STAT4: variants seen among roughly 807,000 people sequenced by gnomAD.
STAT4 encodes the protein signal transducer and activator of transcription 4.
Under a neutral mutation model 110.5 loss-of-function variants are expected in STAT4, and 42 were observed. The observed-to-expected ratio is 0.38, with a 90% CI of 0.30 to 0.49. STAT4 has a LOEUF of 0.49. Ranked by LOEUF, STAT4 falls within the 20% of genes least tolerant of loss-of-function variation. The probability of loss-of-function intolerance (pLI) is 0.95; values close to 1 mark genes in which losing one functional copy is unlikely to be tolerated. For missense variants in STAT4, 632 were observed against 887.9 expected (o/e 0.71, Z 3.66); for synonymous variants, 284 against 302.2 (o/e 0.94, Z 0.63).
chr2:191,139,172 C>T (rs565601974), intron 3 of STAT4, among the ~76,000 whole-genome samples: 1 of 151,702 alleles, frequency 6.6e-6, no homozygotes, highest in African/African-American at 2.4e-5. Context: ...GAAAGCATTC[C>T]CCCCGAGAGC....
intron 13 of STAT4, among the ~76,000 whole-genome samples, chr2:191,055,847 C>CT (rs1696675236): frequency 6.6e-6 from 1 of 152,118 alleles, no homozygotes; most frequent in African/African-American, 2.4e-5. Flanking sequence ...TTCCATGTGA[C>CT]TTTTTTGGGA....
rs1696815699 is a variant in STAT4, at chr2:191,060,379, A to G, written c.1034+1350T>C. ...AGAGATGTCGGAATGAGGAAGGAAC[A>G]ATTTTTGAGAAGAATGCTTATTTTT... On this transcript the variant is annotated intron_variant, in intron 10 of 23. Coordinates refer to ENST00000392320, the MANE Select transcript of STAT4 (RefSeq NM_003151.4). The surrounding 1 kb of genome is among the most constrained non-coding windows in gnomAD (Gnocchi z 4.5). 6.6e-6 allele frequency among the ~76,000 whole-genome samples: 1 copy of G among 152,154 alleles called. No individual in the cohort carries two copies. The highest frequency in any genetic ancestry group is 1.9e-4 in the East Asian group (1 of 5,190).
At chr2:191,128,105 C>T (rs567408543) in intron 3 of STAT4, among the ~76,000 whole-genome samples, 4 of 63,160 alleles carry the variant, frequency 6.3e-5, no homozygotes, top group South Asian at 6.9e-4. Context: ...ACTAACCTTT[C>T]GAAATATGAG....
In STAT4 at chr2:191,066,328, A is replaced by G. The variant is rs1210776434; in HGVS notation, c.630+102T>C. On this transcript the variant is annotated intron_variant, in intron 7 of 23. Transcript: ENST00000392320. The surrounding 1 kb of genome is among the most constrained non-coding windows in gnomAD (Gnocchi z 4.3). The stretch of plus-strand genomic sequence containing the variant: ...ACCTTGCCGTTTCTTCATTCAGTAA[A>G]TGGAACTGATAAAATCTGACAGCTT... 12 of 1,040,764 alleles carry G rather than the reference A, an allele frequency of 1.2e-5. No individual in the cohort carries two copies. Among genetic ancestry groups the G allele is most frequent in the Non-Finnish European group, 1.4e-5 (10 of 694,492 alleles). 64.5% of individuals were successfully genotyped at this position (1,040,764 alleles called of 1,614,324 possible).
Position 191,061,651 on chromosome 2 carries a change from A to T in STAT4, c.1034+78T>A. The T allele has an allele frequency of 7.6e-7, 1 of 1,311,662 alleles. No homozygotes were observed. Among genetic ancestry groups the T allele is most frequent in the Non-Finnish European group, 1.1e-6 (1 of 905,524 alleles). The allele number at this position is 1,311,662 out of a possible 1,614,324, so 81.3% of individuals were successfully genotyped here. A position where few individuals can be genotyped will look rare whatever the true frequency, so the allele number is the denominator to read the frequency against. On this transcript the variant is annotated intron_variant, in intron 10 of 23. Coordinates refer to ENST00000392320, the MANE Select transcript of STAT4 (RefSeq NM_003151.4). The surrounding 1 kb of genome is among the most constrained non-coding windows in gnomAD (Gnocchi z 6.2). ...AAAGAACAGCTGAATGCAAGCCACA[A>T]TGAGAGAAATTGGCCTTGATCATCC...
Position 191,135,654 on chromosome 2 carries a change from G to A in STAT4, c.273+10959C>T, listed in dbSNP as rs915236701. Among the ~76,000 whole-genome samples the A allele has an allele frequency of 1.4e-4, 21 of 152,204 alleles. No individual in the cohort carries two copies. Among genetic ancestry groups the A allele is most frequent in the African/African-American group, 4.8e-4 (20 of 41,532 alleles). On this transcript the variant is annotated intron_variant, in intron 3 of 23. Coordinates refer to ENST00000392320, the MANE Select transcript of STAT4 (RefSeq NM_003151.4). The surrounding 1 kb of genome is among the most constrained non-coding windows in gnomAD (Gnocchi z 4.8). ...GCTAATTTTTTGTATTTTTAGTAGAGACAGGGTTTCACCATGTTGGCTGCA... is the reference window on the plus strand; with the variant it reads ...GCTAATTTTTTGTATTTTTAGTAGAAACAGGGTTTCACCATGTTGGCTGCA...
At chr2:191,128,053 A>G (rs111987855) in intron 3 of STAT4, among the ~76,000 whole-genome samples, 5 of 152,358 alleles carry the variant, frequency 3.3e-5, no homozygotes, top group African/African-American at 7.2e-5. Flanking sequence ...TTAGGCATCA[A>G]ACAAAGTCTT....
chr2:191,034,463 T>C, intron 18 of STAT4, 85 bp downstream of exon 18: 1 of 975,102 alleles, frequency 1.0e-6, no homozygotes, highest in Non-Finnish European at 1.6e-6. Flanking sequence ...TGGGAAATTC[T>C]CAAAACCCCA....
In STAT4 at chr2:191,104,115, T is replaced by C. The variant is rs1698214242; in HGVS notation, c.274-27790A>G. 6.6e-6 allele frequency among the ~76,000 whole-genome samples: 1 copy of C among 152,110 alleles called. No homozygotes were observed. The highest frequency in any genetic ancestry group is 1.5e-5 in the Non-Finnish European group (1 of 68,002). Reference sequence around the variant, plus strand: ...AATCCCCGTTTTGTGAAAAAATATATCTATTCATCTCTAATACTTTTAAAA... The same window carrying C: ...AATCCCCGTTTTGTGAAAAAATATACCTATTCATCTCTAATACTTTTAAAA... On this transcript the variant is annotated intron_variant, in intron 3 of 23. Coordinates refer to ENST00000392320, the MANE Select transcript of STAT4 (RefSeq NM_003151.4). This position sits in a 1 kb window ranked among gnomAD's most constrained non-coding sequence, Gnocchi z 4.3.
chr2:191,051,726 T>TGGGTCGCAGAA lies in STAT4; in HGVS notation c.1251+2763_1251+2764insTTCTGCGACCC, dbSNP rs1574710006. 6.6e-6 allele frequency among the ~76,000 whole-genome samples: 1 copy of TGGGTCGCAGAA among 152,140 alleles called. No individual in the cohort carries two copies. The highest frequency in any genetic ancestry group is 1.9e-4 in the East Asian group (1 of 5,198). Reference sequence around the variant, plus strand: ...GTAGGAGTGCCAACCAGCTCGCCTCTCCCAGGGAAGGTTCTGCGACCCAGA... The same window carrying TGGGTCGCAGAA: ...GTAGGAGTGCCAACCAGCTCGCCTCTGGGTCGCAGAACCCAGGGAAGGTTCTGCGACCCAGA... On this transcript the variant is annotated intron_variant, in intron 14 of 23. Coordinates refer to ENST00000392320, the MANE Select transcript of STAT4 (RefSeq NM_003151.4). The surrounding 1 kb of genome is among the most constrained non-coding windows in gnomAD (Gnocchi z 5.6).
intron 3 of STAT4, among the ~76,000 whole-genome samples, chr2:191,120,814 A>G (rs571233644): frequency 5.0e-4 from 76 of 152,336 alleles, no homozygotes; most frequent in African/African-American, 1.8e-3. Context: ...AAACCATAAA[A>G]ACCCTAGAAG....
intron 3 of STAT4, among the ~76,000 whole-genome samples, chr2:191,089,454 C>T (rs1697733588): frequency 5.9e-5 from 9 of 152,038 alleles, no homozygotes; most frequent in Admixed American, 5.2e-4. Context: ...ATTTGTTGCT[C>T]GTGGGAGTGA....
Position 191,125,481 on chromosome 2 carries a change from T to TATTATTATTATTATTATTATTATC in STAT4, c.273+21131_273+21132insGATAATAATAATAATAATAATAAT, listed in dbSNP as rs1486662174. ...TTGGCTGTGGATCCTCATTATTTAT[T>TATTATTATTATTATTATTATTATC]ATTATTATTATTATTATTATTATTG... On this transcript the variant is annotated intron_variant, in intron 3 of 23. Transcript: ENST00000392320. 8.8e-4 allele frequency among the ~76,000 whole-genome samples: 130 copies of TATTATTATTATTATTATTATTATC among 147,022 alleles called. 1 individual carries two copies. Among genetic ancestry groups the TATTATTATTATTATTATTATTATC allele is most frequent in the African/African-American group, 3.2e-3 (128 of 40,570 alleles).
intron 17 of STAT4, 21 bp from the exon 18 acceptor site, chr2:191,034,618 G>A: frequency 6.3e-7 from 1 of 1,596,478 alleles, no homozygotes. Flanking sequence ...AGAAAAGAAT[G>A]AAATTTTTCA....
rs1201537077 is a variant in STAT4 at position 191,113,031 on chromosome 2, G to C, written c.273+33582C>G. Among the ~76,000 whole-genome samples the C allele has an allele frequency of 4.6e-5, 7 of 152,220 alleles. No homozygotes were observed. Among genetic ancestry groups the C allele is most frequent in the Non-Finnish European group, 1.0e-4 (7 of 68,040 alleles). ...CCATCTGGGAATACTCACACGAGTA[G>C]GGCAAGTGGGCCCATCAGTTGTGCT... On this transcript the variant is annotated intron_variant, in intron 3 of 23. Transcript: ENST00000392320. The surrounding 1 kb of genome is among the most constrained non-coding windows in gnomAD (Gnocchi z 4.8).
chr2:191,051,013 G>A lies in STAT4; in HGVS notation c.1251+3477C>T, dbSNP rs375477454. Among the ~76,000 whole-genome samples the A allele has an allele frequency of 5.9e-5, 9 of 152,112 alleles. No individual in the cohort carries two copies. The highest frequency in any genetic ancestry group is 2.2e-4 in the African/African-American group (9 of 41,406). Reference sequence around the variant, plus strand: ...AGTCTTACAACCAAAAAGTAGAATGGAGCGACCCAAAATTGTGTGTGTGCG... The same window carrying A: ...AGTCTTACAACCAAAAAGTAGAATGAAGCGACCCAAAATTGTGTGTGTGCG... On this transcript the variant is annotated intron_variant, in intron 14 of 23. Transcript: ENST00000392320. The surrounding 1 kb of genome is among the most constrained non-coding windows in gnomAD (Gnocchi z 5.6).
At chr2:191,128,675 G>C (rs781225881) in intron 3 of STAT4, among the ~76,000 whole-genome samples, 1 of 152,104 alleles carries the variant, frequency 6.6e-6, no homozygotes, top group Admixed American at 6.5e-5. Flanking sequence ...TCAGAGAGTA[G>C]AATATGTGAG....
chr2:191,049,960 G>GT (rs1336527112), intron 14 of STAT4, among the ~76,000 whole-genome samples: 47 of 152,338 alleles, frequency 3.1e-4, no homozygotes, highest in African/African-American at 8.4e-4. Context: ...TAGCTGGGGT[G>GT]TGAGTAGCGC....
rs114384978 is a variant in STAT4, at chr2:191,090,005, G to C, written c.274-13680C>G. ...ACTGGATACATGATATTACACATTT[G>C]ATAAAACACATAGAACATATAGTGA... On this transcript the variant is annotated intron_variant, in intron 3 of 23. Coordinates refer to ENST00000392320, the MANE Select transcript of STAT4 (RefSeq NM_003151.4). The surrounding 1 kb of genome is among the most constrained non-coding windows in gnomAD (Gnocchi z 4.2). 5.1e-3 allele frequency among the ~76,000 whole-genome samples: 775 copies of C among 152,164 alleles called. 3 individuals are homozygous for C. The highest frequency in any genetic ancestry group is 0.017 in the African/African-American group (726 of 41,516).
Sources: gnomAD v4.1 joint callset for allele counts (sites outside exome capture counted in the v4.1 genomes callset) on GRCh38, gnomAD v4.1.1 for gene constraint, Gnocchi (gnomAD v3.1) non-coding constraint, MANE v1.5 for transcripts, NCBI Gene and HGNC (gene_info 2026-07-23, HGNC 2026-07-21) for gene names.